DIDO1: variants seen among roughly 807,000 people sequenced by gnomAD.
DIDO1 encodes death inducer-obliterator 1, also known as death-inducer obliterator 1.
Under a neutral mutation model 99.4 loss-of-function variants are expected in DIDO1, and 16 were observed. The observed-to-expected ratio is 0.16, with a 90% CI of 0.11 to 0.24. DIDO1 has a LOEUF of 0.24. Ranked by LOEUF, DIDO1 falls within the 10% of genes least tolerant of loss-of-function variation. The pLI is 1.00. For synonymous variants in DIDO1, 1,366 were observed against 1,239.1 expected (o/e 1.10, Z -2.15); for missense variants, 2,996 against 3,014.0 (o/e 0.99, Z 0.14).
In DIDO1 at chr20:62,909,679, C is replaced by A; in HGVS notation, c.1161+20G>T. On this transcript the variant is annotated intron_variant, in intron 4 of 15. Transcript: ENST00000395343. ...GTGAGGCCGACTGCTGAATGCTCGT[C>A]TCAGCGGACAAACACTTACAGGCTG... is the stretch of plus-strand genomic sequence containing the variant. 6.2e-7 allele frequency: 1 copy of A among 1,609,758 alleles called. No homozygotes were observed. Among genetic ancestry groups the A allele is most frequent in the Non-Finnish European group, 8.5e-7 (1 of 1,176,712 alleles).
chr20:62,891,304 T>G, intron 14 of DIDO1, 149 bp from the exon 15 acceptor site: 1 of 1,376,066 alleles, frequency 7.3e-7, no homozygotes, highest in Non-Finnish European at 9.7e-7. Flanking sequence ...AGTGAGGCAA[T>G]TCACGTGACA....
At chr20:62,891,652 CG>C (rs2064401055) in intron 14 of DIDO1, among the ~76,000 whole-genome samples, 2 of 152,118 alleles carry the variant, frequency 1.3e-5, no homozygotes, top group Admixed American at 6.5e-5. Context: ...GAAAATAAAA[CG>C]TATCTATTTC....
At chr20:62,897,062 A>G in intron 6 of DIDO1, 66 bp from the exon 7 acceptor site, 1 of 1,456,020 alleles carries the variant, frequency 6.9e-7, no homozygotes, top group East Asian at 2.3e-5. Flanking sequence ...CTGACTCTAA[A>G]AAGCAGACTT....
intron 15 of DIDO1, among the ~76,000 whole-genome samples, chr20:62,885,464 TGTTA>T: frequency 6.6e-6 from 1 of 152,208 alleles, no homozygotes; most frequent in East Asian, 1.9e-4. Context: ...CTAACTTGCT[TGTTA>T]ATGAAAAAAA....
At chr20:62,924,415 G>A (rs967520069) in intron 1 of DIDO1, among the ~76,000 whole-genome samples, 1 of 152,130 alleles carries the variant, frequency 6.6e-6, no homozygotes, top group Non-Finnish European at 1.5e-5. Flanking sequence ...CATATAAAAA[G>A]GAAAAACGTG....
At chr20:62,925,517 T>C (rs943616102) in intron 1 of DIDO1, among the ~76,000 whole-genome samples, 3 of 152,222 alleles carry the variant, frequency 2.0e-5, no homozygotes, top group African/African-American at 7.2e-5. Flanking sequence ...AGCAGACAGA[T>C]GACACGGATA....
At chr20:62,902,486 C>G (rs1004225488) in intron 6 of DIDO1, among the ~76,000 whole-genome samples, 8 of 152,156 alleles carry the variant, frequency 5.3e-5, no homozygotes, top group Non-Finnish European at 1.0e-4. Context: ...AAAGAGCTCA[C>G]GCGACCAGTG....
At chr20:62,900,260 C>T (rs1026322908) in intron 6 of DIDO1, among the ~76,000 whole-genome samples, 15 of 152,234 alleles carry the variant, frequency 9.9e-5, no homozygotes, top group African/African-American at 2.7e-4. Context: ...GGGGGCCTGC[C>T]CAGGCCACTG....
rs1396435746 is a variant in DIDO1, at chr20:62,884,107, A to ACGCTCACGTAAAGCAC, written c.3542-1709_3542-1694dup. On this transcript the variant is annotated intron_variant, in intron 15 of 15. Coordinates refer to ENST00000395343, the MANE Select transcript of DIDO1 (RefSeq NM_001193369.2). The stretch of plus-strand genomic sequence containing the variant: ...TCTTTGTAAACACAGGACAGACACC[A>ACGCTCACGTAAAGCAC]CGCTCACGTAAAGCACCGAGGTGCT... Among the ~76,000 whole-genome samples the ACGCTCACGTAAAGCAC allele has an allele frequency of 2.0e-5, 3 of 152,308 alleles. No homozygotes were observed. In the East Asian group the frequency reaches 5.8e-4, roughly 29 times the overall value.
chr20:62,890,832 T>C (rs1274157958), intron 15 of DIDO1, 128 bp downstream of exon 15: 1 of 1,568,104 alleles, frequency 6.4e-7, no homozygotes, highest in Non-Finnish European at 8.6e-7. Context: ...TGCTAACCGC[T>C]GCGTCTGTGC....
chr20:62,881,319 G>A lies in DIDO1; in HGVS notation c.4637C>T (p.Ala1546Val). Residue 1546 changes from alanine to valine, a missense_variant, in exon 16 of 16, where the codon GCC (alanine) becomes GTC (valine). Around this residue, in one of 5 missense-constraint regions of DIDO1, gnomAD observed 1,562 missense variants for 1,412.6 expected, o/e 1.11. Coordinates refer to ENST00000395343, the MANE Select transcript of DIDO1 (RefSeq NM_001193369.2). The surrounding 1 kb of genome is among the most constrained non-coding windows in gnomAD (Gnocchi z 8.3). Reference sequence around the variant, plus strand: ...CGCCTGGCTGGCGGGGGGCAGTGAGGCGGGCTTGTCTGCAGACTGCTGCTC... The same window carrying A: ...CGCCTGGCTGGCGGGGGGCAGTGAGACGGGCTTGTCTGCAGACTGCTGCTC... ...QQEQQSADKP[A>V]SLPPASQASN... is the part of the protein sequence containing the mutation. The A allele has an allele frequency of 6.2e-7, 1 of 1,604,630 alleles. No homozygotes were observed. Among genetic ancestry groups the A allele is most frequent in the Non-Finnish European group, 8.5e-7 (1 of 1,179,934 alleles).
At position 62,881,129 on chromosome 20, in the gene DIDO1, C is replaced by T. The variant is rs1354735760; in HGVS notation, c.4827G>A (p.Pro1609=). ...GLVGQAPMPV[P]EEKEPASSPW... ...GGGAAGAGGCTGGCTCTTTTTCCTCCGGGACTGGCATGGGCGCCTGGCCCA... is the reference window on the plus strand; with the variant it reads ...GGGAAGAGGCTGGCTCTTTTTCCTCTGGGACTGGCATGGGCGCCTGGCCCA... The change falls in exon 16 of 16, where the codon CCG becomes CCA. Residue 1609 remains proline, a synonymous_variant. Transcript: ENST00000395343. This position sits in a 1 kb window ranked among gnomAD's most constrained non-coding sequence, Gnocchi z 8.3. 1.2e-5 allele frequency: 20 copies of T among 1,608,740 alleles called. No individual in the cohort carries two copies. Among genetic ancestry groups the T allele is most frequent in the African/African-American group, 5.3e-5 (4 of 74,912 alleles).
chr20:62,892,475 G>A (rs1050516127), intron 13 of DIDO1, among the ~76,000 whole-genome samples: 2 of 152,222 alleles, frequency 1.3e-5, no homozygotes, highest in African/African-American at 4.8e-5. Context: ...CAAGTGGCCA[G>A]GTGTGTGTAA....
rs2064185905 is a variant in DIDO1, at chr20:62,880,721, G to GC, written c.5234dup (p.Ser1746LeufsTer44). The stretch of plus-strand genomic sequence containing the variant: ...GCTGACCCTGAAACGGGGGCTGAGA[G>GC]CCCCCCACTTTCTGTCCTGGTGGGG... On this transcript the variant is annotated frameshift_variant, in exon 16 of 16. Transcript: ENST00000395343. LOFTEE classifies it low-confidence loss of function (END_TRUNC). 1 of 1,612,556 alleles carries GC rather than the reference G, an allele frequency of 6.2e-7. No individual in the cohort carries two copies. Among genetic ancestry groups the GC allele is most frequent in the African/African-American group, 1.3e-5 (1 of 74,940 alleles).
chr20:62,931,007 C>G (rs1015463108), upstream of DIDO1, among the ~76,000 whole-genome samples: 1 of 152,210 alleles, frequency 6.6e-6, no homozygotes, highest in Non-Finnish European at 1.5e-5. Context: ...GTAGTGTGAT[C>G]TTGGCTGTCT....
chr20:62,890,181 C>T (rs1466879016), intron 15 of DIDO1: 2 of 985,814 alleles, frequency 2.0e-6, no homozygotes, highest in Admixed American at 1.2e-4. Context: ...ACTGTGTGAT[C>T]CACACACCCG....
At chr20:62,928,818 G>A (rs1322141977), upstream of DIDO1, 1 of 152,132 alleles carries the variant, frequency 6.6e-6, no homozygotes. Flanking sequence ...TTAATAGGTG[G>A]TCCATGGAGA....
At chr20:62,907,064 CG>C in intron 5 of DIDO1, 82 bp downstream of exon 5, 2 of 1,448,854 alleles carry the variant, frequency 1.4e-6, no homozygotes, top group Non-Finnish European at 1.9e-6. Context: ...CACCCCCACA[CG>C]GTCTACAAAC....
chr20:62,904,903 A>T, intron 6 of DIDO1: 1 of 853,088 alleles, frequency 1.2e-6, no homozygotes, highest in Non-Finnish European at 1.4e-6. Context: ...TGACGACGGG[A>T]AAGTGGGGCA....
Sources: allele counts gnomAD v4.1 joint callset (sites outside exome capture counted in the v4.1 genomes callset), GRCh38; gene constraint gnomAD v4.1.1; regional missense constraint gnomAD v4.1.1; non-coding constraint Gnocchi (gnomAD v3.1); transcripts MANE v1.5; gene names NCBI Gene and HGNC (gene_info 2026-07-23, HGNC 2026-07-21).